TEAD1: variants seen among roughly 807,000 people sequenced by gnomAD.
TEAD1 encodes TEA domain transcription factor 1.
A neutral mutation model predicts 54.9 loss-of-function variants in TEAD1; 9 were observed. That is an observed-to-expected ratio of 0.16 (90% CI 0.10 to 0.29). The LOEUF (loss-of-function observed/expected upper bound fraction) is 0.29. Ranked by LOEUF, TEAD1 falls within the 10% of genes least tolerant of loss-of-function variation. The pLI, the probability that TEAD1 is intolerant of heterozygous loss-of-function variation, is 1.00. For synonymous variants in TEAD1, 200 were observed against 187.8 expected (o/e 1.07, Z -0.53); for missense variants, 387 against 535.9 (o/e 0.72, Z 2.74).
At chr11:12,792,254 T>C (rs1564941351) in intron 3 of TEAD1, among the ~76,000 whole-genome samples, 1 of 152,042 alleles carries the variant, frequency 6.6e-6, no homozygotes, top group South Asian at 2.1e-4. Flanking sequence ...TCTGGGATAT[T>C]TTCTCTCTAG....
intron 11 of TEAD1, among the ~76,000 whole-genome samples, chr11:12,928,282 C>CG (rs1948937294): frequency 9.8e-6 from 1 of 102,084 alleles, no homozygotes; most frequent in Non-Finnish European, 2.1e-5. Flanking sequence ...TTTTTCTTTT[C>CG]CTTTTTTTTT....
At chr11:12,785,357 G>A (rs1402288752) in intron 3 of TEAD1, among the ~76,000 whole-genome samples, 1 of 152,190 alleles carries the variant, frequency 6.6e-6, no homozygotes, top group Non-Finnish European at 1.5e-5. Flanking sequence ...GCCCAGCTTG[G>A]TTGCAGCTGC....
At chr11:12,815,192 T>C (rs1038843074) in intron 3 of TEAD1, among the ~76,000 whole-genome samples, 2 of 152,142 alleles carry the variant, frequency 1.3e-5, no homozygotes, top group Admixed American at 6.5e-5. Flanking sequence ...AAACTGTGTT[T>C]ATCTCCCGCA....
chr11:12,819,909 T>C (rs1946504613), intron 3 of TEAD1, among the ~76,000 whole-genome samples: 1 of 152,130 alleles, frequency 6.6e-6, no homozygotes, highest in Non-Finnish European at 1.5e-5. Flanking sequence ...TTTTCCCCGA[T>C]TGTGAGTCAG....
intron 10 of TEAD1, among the ~76,000 whole-genome samples, chr11:12,913,379 G>GTGT (rs1365128056): frequency 6.6e-6 from 1 of 152,158 alleles, no homozygotes; most frequent in African/African-American, 2.4e-5. Flanking sequence ...ACATGCCTGT[G>GTGT]GTCAGCCAGA....
chr11:12,787,962 C>CTTT, intron 3 of TEAD1, among the ~76,000 whole-genome samples: 1 of 131,674 alleles, frequency 7.6e-6, no homozygotes, highest in African/African-American at 2.8e-5. Flanking sequence ...AAATCTTTCA[C>CTTT]TTTTTTTTTT....
chr11:12,692,206 A>G (rs1011857589), intron 2 of TEAD1, among the ~76,000 whole-genome samples: 4 of 152,160 alleles, frequency 2.6e-5, no homozygotes, highest in African/African-American at 9.7e-5. Context: ...TGCATCATAG[A>G]CTATGCACTT....
intron 3 of TEAD1, among the ~76,000 whole-genome samples, chr11:12,860,808 TC>T (rs1947484102): frequency 6.6e-6 from 1 of 152,204 alleles, no homozygotes. Flanking sequence ...TTTGGGTACA[TC>T]CTAGGAAGAA....
intron 2 of TEAD1, among the ~76,000 whole-genome samples, chr11:12,682,903 T>G (rs1303052258): frequency 6.6e-6 from 1 of 152,150 alleles, no homozygotes; most frequent in Non-Finnish European, 1.5e-5. Context: ...CTTGAACATT[T>G]TTGAAATTGG....
intron 3 of TEAD1, among the ~76,000 whole-genome samples, chr11:12,856,725 TTCCCA>T: frequency 6.6e-6 from 1 of 152,312 alleles, no homozygotes; most frequent in East Asian, 1.9e-4. Flanking sequence ...TCACACATCC[TTCCCA>T]GTGAAGGGAA....
chr11:12,725,341 A>T (rs946049585), intron 2 of TEAD1, among the ~76,000 whole-genome samples: 1 of 152,218 alleles, frequency 6.6e-6, no homozygotes, highest in African/African-American at 2.4e-5. Context: ...TAAGGACAAA[A>T]TGAAACTTTT....
At position 12,938,265 on chromosome 11, in the gene TEAD1, G is replaced by A. The variant is rs1266137234; in HGVS notation, c.*1043G>A. 2 of 152,594 alleles carry A rather than the reference G, an allele frequency of 1.3e-5. No homozygotes were observed. Among genetic ancestry groups the A allele is most frequent in the East Asian group, 3.9e-4 (2 of 5,188 alleles). The allele number at this position is 152,594 out of a possible 1,614,324, so 9.5% of individuals were successfully genotyped here. On this transcript the variant is annotated 3_prime_UTR_variant, in exon 13 of 13. Coordinates refer to ENST00000527636, the MANE Select transcript of TEAD1 (RefSeq NM_021961.6). ...AAGTATACAGAATCTGTGGCTGGGA[G>A]AAAATTTCATCAAATAGACAAGTAA...
chr11:12,814,831 G>A (rs1440263840), intron 3 of TEAD1, among the ~76,000 whole-genome samples: 2 of 121,608 alleles, frequency 1.6e-5, no homozygotes, highest in African/African-American at 6.2e-5. Flanking sequence ...GTGTGTGTGT[G>A]TGTGTGTGTC....
At chr11:12,680,248 C>G (rs1422955421) in intron 2 of TEAD1, among the ~76,000 whole-genome samples, 1 of 152,074 alleles carries the variant, frequency 6.6e-6, no homozygotes, top group Non-Finnish European at 1.5e-5. Context: ...AATAGCTTTT[C>G]AAAGAAAAAA....
At chr11:12,911,000 G>A (rs1948608423) in intron 10 of TEAD1, among the ~76,000 whole-genome samples, 1 of 152,144 alleles carries the variant, frequency 6.6e-6, no homozygotes, top group Non-Finnish European at 1.5e-5. Flanking sequence ...ACCCGCCTTG[G>A]CCTCCCAAAG....
chr11:12,914,013 G>T (rs962248622), intron 10 of TEAD1, among the ~76,000 whole-genome samples: 6 of 152,234 alleles, frequency 3.9e-5, no homozygotes, highest in African/African-American at 1.4e-4. Flanking sequence ...CTATTGGAAA[G>T]AACTGGCCCG....
intron 2 of TEAD1, among the ~76,000 whole-genome samples, chr11:12,717,257 G>T (rs1944085325): frequency 6.6e-6 from 1 of 152,206 alleles, no homozygotes; most frequent in South Asian, 2.1e-4. Context: ...TTGTGTGTGT[G>T]CTTGGTATTG....
chr11:12,840,259 AAAAG>A (rs1404867980), intron 3 of TEAD1, among the ~76,000 whole-genome samples: 3,108 of 21,312 alleles, frequency 0.15, 193 homozygotes, highest in African/African-American at 0.24. Flanking sequence ...AAAAAAAAAA[AAAAG>A]AAAAAAAAAA....
At chr11:12,897,355 G>GT (rs1948332563) in intron 9 of TEAD1, among the ~76,000 whole-genome samples, 1 of 152,170 alleles carries the variant, frequency 6.6e-6, no homozygotes, top group African/African-American at 2.4e-5. Flanking sequence ...TCACCAAAGG[G>GT]TTTTTAGAAT....
Sources: gnomAD v4.1 joint callset for allele counts (sites outside exome capture counted in the v4.1 genomes callset) on GRCh38, gnomAD v4.1.1 for gene constraint, MANE v1.5 for transcripts, NCBI Gene and HGNC (gene_info 2026-07-23, HGNC 2026-07-21) for gene names.